Variants in USH2A observed in about 807,000 individuals in gnomAD.
USH2A encodes the protein Usher syndrome 2A (autosomal recessive, mild).
A neutral mutation model predicts 538.9 loss-of-function variants in USH2A; 443 were observed. The observed-to-expected ratio is 0.82, with a 90% CI of 0.76 to 0.89. The LOEUF is 0.89. Among genes scored for constraint, USH2A ranks in the 40% least tolerant of loss-of-function variants. USH2A has a pLI of 0.00. For synonymous variants in USH2A, 2,413 were observed against 2,273.5 expected (o/e 1.06, Z -1.75); for missense variants, 6,633 against 6,324.8 (o/e 1.05, Z -1.65).
rs1403111409 is a variant in USH2A at position 215,992,766 on chromosome 1, C to T, written c.6805+254G>A. 2.0e-5 allele frequency among the ~76,000 whole-genome samples: 3 copies of T among 152,120 alleles called. No homozygotes were observed. In the East Asian group the frequency reaches 5.8e-4, roughly 29 times the overall value. On this transcript the variant is annotated intron_variant, in intron 35 of 71. Coordinates refer to ENST00000307340, the MANE Select transcript of USH2A (RefSeq NM_206933.4). The stretch of plus-strand genomic sequence containing the variant: ...GAATCCTCCCCGTTTGCTCTCTTCA[C>T]CTCTCCTGGAGCATATTAAACAATG...
At chr1:215,803,455 G>A (rs1662400499) in intron 49 of USH2A, among the ~76,000 whole-genome samples, 1 of 152,166 alleles carries the variant, frequency 6.6e-6, no homozygotes, top group Admixed American at 6.5e-5. Flanking sequence ...CAACATCAAT[G>A]TGCAAAAATC....
chr1:215,758,791 G>C, intron 57 of USH2A, 39 bp from the exon 58 acceptor site: 1 of 1,598,026 alleles, frequency 6.3e-7, no homozygotes, highest in Non-Finnish European at 8.6e-7. Flanking sequence ...GTAAGGCCAT[G>C]CACAAGAGAC....
chr1:216,029,453 A>T (rs1456938087), intron 32 of USH2A, among the ~76,000 whole-genome samples: 1 of 152,076 alleles, frequency 6.6e-6, no homozygotes, highest in East Asian at 1.9e-4. Flanking sequence ...AGTGATGTTC[A>T]TTACATTTTT....
chr1:216,371,653 G>A (rs1320251152), intron 3 of USH2A, among the ~76,000 whole-genome samples: 8 of 151,996 alleles, frequency 5.3e-5, no homozygotes, highest in East Asian at 1.9e-4. Flanking sequence ...CTATTGCTCC[G>A]AGCTGTCAAA....
intron 41 of USH2A, among the ~76,000 whole-genome samples, chr1:215,883,395 AAATC>A (rs1308223851): frequency 3.3e-5 from 5 of 151,918 alleles, no homozygotes; most frequent in African/African-American, 1.2e-4. Flanking sequence ...ATGCCTTAGA[AAATC>A]AATCAGATTG....
intron 16 of USH2A, among the ~76,000 whole-genome samples, chr1:216,205,489 A>G (rs562641858): frequency 1.3e-5 from 2 of 152,308 alleles, no homozygotes; most frequent in East Asian, 3.9e-4. Flanking sequence ...GGACATAAGA[A>G]ACTAAATTCC....
chr1:215,747,981 TCCCG>T (rs1660524656), intron 58 of USH2A, among the ~76,000 whole-genome samples: 1 of 151,160 alleles, frequency 6.6e-6, no homozygotes, highest in Non-Finnish European at 1.5e-5. Context: ...AAGCTCCGCC[TCCCG>T]GGTTCACGCC....
At chr1:215,947,022 G>T (rs1008837935) in intron 37 of USH2A, among the ~76,000 whole-genome samples, 1 of 149,678 alleles carries the variant, frequency 6.7e-6, no homozygotes, top group African/African-American at 2.4e-5. Flanking sequence ...TAGATAGATT[G>T]TATTAAATAA....
chr1:216,008,149 G>T (rs1438761583), intron 32 of USH2A, among the ~76,000 whole-genome samples: 2 of 152,080 alleles, frequency 1.3e-5, no homozygotes, highest in Non-Finnish European at 2.9e-5. Context: ...TCACTGTCAG[G>T]CCTCTGAGCC....
intron 35 of USH2A, among the ~76,000 whole-genome samples, chr1:215,973,252 A>C (rs907639364): frequency 6.6e-6 from 1 of 152,172 alleles, no homozygotes; most frequent in African/African-American, 2.4e-5. Context: ...GATTATGTGC[A>C]TAATATCTCA....
chr1:216,094,376 C>G (rs1193567133), intron 22 of USH2A, among the ~76,000 whole-genome samples: 1 of 152,180 alleles, frequency 6.6e-6, no homozygotes, highest in Non-Finnish European at 1.5e-5. Context: ...CACCCACACC[C>G]CGCCACTAAG....
chr1:215,801,199 G>T (rs6685803), intron 49 of USH2A, among the ~76,000 whole-genome samples: 90,224 of 151,814 alleles, frequency 0.59, 26,969 homozygotes, highest in Admixed American at 0.69. Context: ...AGTGAAAGAC[G>T]GAAAACTTTT....
chr1:215,900,293 A>G (rs1325814702), intron 39 of USH2A, 76 bp from the exon 40 acceptor site: 2 of 1,517,720 alleles, frequency 1.3e-6, no homozygotes, highest in East Asian at 2.3e-5. Flanking sequence ...TCTTACTACA[A>G]AAAAATTTTA....
At chr1:216,090,998 T>C (rs2032287978) in intron 22 of USH2A, among the ~76,000 whole-genome samples, 1 of 152,324 alleles carries the variant, frequency 6.6e-6, no homozygotes, top group Non-Finnish European at 1.5e-5. Flanking sequence ...GAAGCATTAA[T>C]AGTTCTCTAC....
At chr1:215,943,486 T>C (rs1023019718) in intron 37 of USH2A, among the ~76,000 whole-genome samples, 1 of 152,178 alleles carries the variant, frequency 6.6e-6, no homozygotes, top group African/African-American at 2.4e-5. Flanking sequence ...AATAGGTATG[T>C]AGAAAGAAAT....
intron 38 of USH2A, among the ~76,000 whole-genome samples, chr1:215,910,651 C>T (rs1392640710): frequency 1.3e-5 from 2 of 151,960 alleles, no homozygotes; most frequent in East Asian, 1.9e-4. Flanking sequence ...TCATTACTCA[C>T]ACCATAACTA....
At chr1:216,322,466 G>T (rs2037635454) in intron 8 of USH2A, among the ~76,000 whole-genome samples, 5 of 151,822 alleles carry the variant, frequency 3.3e-5, no homozygotes. Flanking sequence ...AATCAGCTGG[G>T]CATGGTGGCA....
intron 25 of USH2A, 74 bp downstream of exon 25, chr1:216,084,624 C>G: frequency 6.5e-7 from 1 of 1,540,378 alleles, no homozygotes; most frequent in Non-Finnish European, 8.9e-7. Flanking sequence ...GTTAATCAAA[C>G]AGGAGAGATT....
intron 47 of USH2A, among the ~76,000 whole-genome samples, chr1:215,828,912 G>T (rs1198106049): frequency 6.6e-6 from 1 of 152,176 alleles, no homozygotes; most frequent in African/African-American, 2.4e-5. Flanking sequence ...CAGCTGCAGT[G>T]TTTGTCATAT....
Sources: allele counts gnomAD v4.1 joint callset (sites outside exome capture counted in the v4.1 genomes callset), GRCh38; gene constraint gnomAD v4.1.1; transcripts MANE v1.5; gene names NCBI Gene and HGNC (gene_info 2026-07-23, HGNC 2026-07-21).